CSMD1: variants seen among roughly 807,000 people sequenced by gnomAD.
CSMD1 encodes the protein CUB and Sushi multiple domains 1, also known as CUB and sushi domain-containing protein 1.
In CSMD1, 213 loss-of-function variants were observed where a neutral mutation model predicts 417.5. The observed-to-expected ratio is 0.51, with a 90% CI of 0.46 to 0.57. The LOEUF is 0.57. CSMD1 is among the 20% of genes least tolerant of loss of function. The pLI is 0.00. For synonymous variants in CSMD1, 2,862 were observed against 1,736.8 expected (o/e 1.65, Z -16.11); for missense variants, 6,923 against 4,529.7 (o/e 1.53, Z -15.17).
chr8:3,744,063 G>C (rs141550123), intron 6 of CSMD1, among the ~76,000 whole-genome samples: 2 of 152,122 alleles, frequency 1.3e-5, no homozygotes, highest in African/African-American at 2.4e-5. Flanking sequence ...ATCCTCTTCC[G>C]AGAAGGACAT....
At chr8:3,299,105 T>G (rs1465876474) in intron 25 of CSMD1, among the ~76,000 whole-genome samples, 2 of 151,998 alleles carry the variant, frequency 1.3e-5, no homozygotes, top group African/African-American at 4.8e-5. Context: ...AAATGTAAAA[T>G]TGTTAAAAGT....
At chr8:4,643,144 A>G (rs1003870992) in intron 1 of CSMD1, among the ~76,000 whole-genome samples, 11 of 152,268 alleles carry the variant, frequency 7.2e-5, no homozygotes, top group African/African-American at 2.7e-4. Context: ...GGAGATAAAC[A>G]TCAAAAACAG....
intron 1 of CSMD1, among the ~76,000 whole-genome samples, chr8:4,652,181 G>T (rs1432878397): frequency 6.6e-6 from 1 of 152,148 alleles, no homozygotes; most frequent in Non-Finnish European, 1.5e-5. Flanking sequence ...AGCATTGAGG[G>T]ATTGCATTAA....
intron 2 of CSMD1, among the ~76,000 whole-genome samples, chr8:4,497,923 G>C (rs1024379953): frequency 6.6e-6 from 1 of 152,086 alleles, no homozygotes; most frequent in South Asian, 2.1e-4. Flanking sequence ...AGAAGCTCAC[G>C]GACACAGACC....
chr8:4,381,974 G>A (rs1803135087), intron 3 of CSMD1, among the ~76,000 whole-genome samples: 1 of 152,040 alleles, frequency 6.6e-6, no homozygotes, highest in African/African-American at 2.4e-5. Flanking sequence ...GACACTCTCT[G>A]TGGTAAAATG....
At chr8:3,324,482 G>A (rs1806384300) in intron 23 of CSMD1, among the ~76,000 whole-genome samples, 1 of 133,424 alleles carries the variant, frequency 7.5e-6, no homozygotes, top group Non-Finnish European at 1.6e-5. Context: ...ATTCTTCACT[G>A]TTAAAATAGA....
intron 2 of CSMD1, among the ~76,000 whole-genome samples, chr8:4,436,031 A>G (rs192762215): frequency 1.4e-3 from 217 of 152,328 alleles, no homozygotes; most frequent in African/African-American, 4.4e-3. Flanking sequence ...TTGTTAAAAT[A>G]TAAGACCCAA....
chr8:3,608,779 T>A (rs1364567054), intron 8 of CSMD1, among the ~76,000 whole-genome samples: 8 of 103,178 alleles, frequency 7.8e-5, no homozygotes, highest in African/African-American at 7.4e-5. Context: ...AAAAAAAAAA[T>A]CATAACGTCC....
At chr8:4,233,779 A>G (rs1281560591) in intron 3 of CSMD1, among the ~76,000 whole-genome samples, 1 of 152,212 alleles carries the variant, frequency 6.6e-6, no homozygotes, top group Non-Finnish European at 1.5e-5. Context: ...AATATCTGAG[A>G]AGAAGTAGAG....
intron 8 of CSMD1, among the ~76,000 whole-genome samples, chr8:3,586,478 C>A (rs539893835): frequency 1.3e-5 from 2 of 152,132 alleles, no homozygotes; most frequent in Non-Finnish European, 2.9e-5. Flanking sequence ...GTTGTGCCAG[C>A]TTCAGAACTA....
intron 26 of CSMD1, among the ~76,000 whole-genome samples, chr8:3,265,344 G>A (rs1333010615): frequency 1.3e-5 from 2 of 152,170 alleles, no homozygotes; most frequent in Non-Finnish European, 2.9e-5. Flanking sequence ...GTGCACGCAC[G>A]ATATTCAGCA....
At chr8:3,535,551 G>T (rs530174265) in intron 10 of CSMD1, among the ~76,000 whole-genome samples, 1 of 152,210 alleles carries the variant, frequency 6.6e-6, no homozygotes, top group Admixed American at 6.5e-5. Flanking sequence ...GAAGGGGGCT[G>T]GTGGGTAGGA....
At chr8:3,304,079 A>C (rs1804623430) in intron 25 of CSMD1, among the ~76,000 whole-genome samples, 1 of 152,312 alleles carries the variant, frequency 6.6e-6, no homozygotes, top group South Asian at 2.1e-4. Context: ...TAAAATATTG[A>C]AACCAGCCTT....
intron 3 of CSMD1, among the ~76,000 whole-genome samples, chr8:4,042,507 A>C (rs189814913): frequency 7.3e-4 from 111 of 152,210 alleles, no homozygotes; most frequent in Non-Finnish European, 1.5e-3. Context: ...TGAAAACTGA[A>C]AGCCCGTCAC....
At chr8:3,568,160 C>G (rs751463281) in intron 10 of CSMD1, among the ~76,000 whole-genome samples, 1 of 152,034 alleles carries the variant, frequency 6.6e-6, no homozygotes, top group Non-Finnish European at 1.5e-5. Context: ...ATATGAAAGT[C>G]TTTTTGAGGG....
intron 36 of CSMD1, among the ~76,000 whole-genome samples, chr8:3,185,910 C>G (rs987114225): frequency 1.3e-5 from 2 of 152,166 alleles, no homozygotes; most frequent in African/African-American, 4.8e-5. Flanking sequence ...GAAACAGACA[C>G]AGACTGCATG....
chr8:4,751,483 C>A (rs1451927475), intron 1 of CSMD1, among the ~76,000 whole-genome samples: 1 of 151,952 alleles, frequency 6.6e-6, no homozygotes, highest in African/African-American at 2.4e-5. Flanking sequence ...TAAAAAGTGT[C>A]CTGGATTTTG....
At chr8:3,868,238 C>T (rs960476618) in intron 5 of CSMD1, among the ~76,000 whole-genome samples, 4 of 151,362 alleles carry the variant, frequency 2.6e-5, no homozygotes, top group Non-Finnish European at 5.9e-5. Context: ...GATGGGGGGG[C>T]ATCTCCATTT....
At chr8:4,133,145 C>G (rs954065102) in intron 3 of CSMD1, among the ~76,000 whole-genome samples, 7 of 152,098 alleles carry the variant, frequency 4.6e-5, no homozygotes, top group African/African-American at 1.7e-4. Context: ...ACCATATTGG[C>G]CAGGCTGGTC....
Sources: allele counts gnomAD v4.1 joint callset (sites outside exome capture counted in the v4.1 genomes callset), GRCh38; gene constraint gnomAD v4.1.1; transcripts MANE v1.5; gene names NCBI Gene and HGNC (gene_info 2026-07-23, HGNC 2026-07-21).